ARG2: variants seen among roughly 807,000 people sequenced by gnomAD.
The protein encoded by ARG2 is arginase 2.
ARG2 carries 21 observed loss-of-function variants against 39.4 expected under a neutral mutation model. The ratio of observed to expected loss-of-function variants is 0.53; its 90% CI spans 0.38 to 0.77. The LOEUF is 0.77. ARG2 is among the 30% of genes least tolerant of loss of function. The probability of loss-of-function intolerance (pLI) is 0.00; values close to 1 mark genes in which losing one functional copy is unlikely to be tolerated. For synonymous variants in ARG2, 150 were observed against 156.7 expected (o/e 0.96, Z 0.32); for missense variants, 378 against 426.2 (o/e 0.89, Z 1.00).
Position 67,651,493 on chromosome 14 carries a change from A to G in ARG2, c.*573A>G, listed in dbSNP as rs200692340. ...TGTTGGTTGTCACTCTACAAAGAGA[A>G]GCAAAGTGGGGAGTAGTCAGAAGTT... On this transcript the variant is annotated 3_prime_UTR_variant, in exon 8 of 8. Coordinates refer to ENST00000261783, the MANE Select transcript of ARG2 (RefSeq NM_001172.4). The G allele has an allele frequency of 1.9e-6, 3 of 1,613,168 alleles. No individual in the cohort carries two copies. Among genetic ancestry groups the G allele is most frequent in the Non-Finnish European group, 2.5e-6 (3 of 1,179,320 alleles).
At chr14:67,647,068 A>G in intron 6 of ARG2, 43 bp downstream of exon 6, 1 of 1,237,304 alleles carries the variant, frequency 8.1e-7, no homozygotes, top group Non-Finnish European at 1.2e-6. Flanking sequence ...CCCAATGGGC[A>G]ACACACTTTT....
intron 2 of ARG2, among the ~76,000 whole-genome samples, chr14:67,631,430 C>CTTTTTTTTT (rs1447220086): frequency 4.1e-4 from 53 of 128,470 alleles, no homozygotes; most frequent in African/African-American, 6.3e-4. Flanking sequence ...TCCTTTCTTT[C>CTTTTTTTTT]TTTCTTTTTT....
chr14:67,621,863 A>G (rs66517376), intron 2 of ARG2, among the ~76,000 whole-genome samples: 50,295 of 151,158 alleles, frequency 0.33, 8,974 homozygotes, highest in African/African-American at 0.46. Flanking sequence ...TTGGGAGGCC[A>G]AGGTGGGTGG....
chr14:67,622,115 G>A (rs755883539), intron 2 of ARG2, among the ~76,000 whole-genome samples: 2 of 152,084 alleles, frequency 1.3e-5, no homozygotes, highest in Non-Finnish European at 2.9e-5. Flanking sequence ...TACCTTTATG[G>A]CAGGAAGGTT....
At chr14:67,630,194 T>C (rs781449615) in intron 2 of ARG2, among the ~76,000 whole-genome samples, 2 of 152,202 alleles carry the variant, frequency 1.3e-5, no homozygotes, top group Non-Finnish European at 2.9e-5. Context: ...GCAAAAGTAA[T>C]TGCGGTTTTT....
At chr14:67,646,168 A>C (rs957417811) in intron 4 of ARG2, among the ~76,000 whole-genome samples, 4 of 152,306 alleles carry the variant, frequency 2.6e-5, no homozygotes, top group South Asian at 2.1e-4. Context: ...ATGGGAGTCC[A>C]TGTTAGGCAC....
chr14:67,647,918 A>G, intron 6 of ARG2, 129 bp from the exon 7 acceptor site: 3 of 898,956 alleles, frequency 3.3e-6, no homozygotes, highest in Non-Finnish European at 4.9e-6. Context: ...ATGTATTAAC[A>G]GCTTTATTAA....
At chr14:67,639,739 G>A (rs981271269) in intron 2 of ARG2, among the ~76,000 whole-genome samples, 20 of 152,124 alleles carry the variant, frequency 1.3e-4, no homozygotes, top group African/African-American at 4.6e-4. Flanking sequence ...TAGCCAACAT[G>A]GCGAAACCCT....
At chr14:67,623,909 C>T (rs2036837399) in intron 2 of ARG2, among the ~76,000 whole-genome samples, 1 of 152,108 alleles carries the variant, frequency 6.6e-6, no homozygotes, top group Non-Finnish European at 1.5e-5. Flanking sequence ...GGCATAGTCA[C>T]AGCCTACTGC....
chr14:67,620,170 C>A, intron 1 of ARG2, 82 bp downstream of exon 1: 1 of 1,022,698 alleles, frequency 9.8e-7, no homozygotes, highest in Non-Finnish European at 1.4e-6. Context: ...GTGCGGGGGA[C>A]CGGGAGGCGA....
intron 2 of ARG2, among the ~76,000 whole-genome samples, chr14:67,630,865 G>A (rs1309706299): frequency 1.3e-5 from 2 of 152,174 alleles, no homozygotes; most frequent in Non-Finnish European, 2.9e-5. Flanking sequence ...TTACAGGTGT[G>A]AGCCACCGTG....
intron 2 of ARG2, among the ~76,000 whole-genome samples, chr14:67,640,033 C>G (rs1023938102): frequency 1.3e-5 from 2 of 150,954 alleles, no homozygotes; most frequent in Non-Finnish European, 2.9e-5. Flanking sequence ...CTTTCATTCT[C>G]TTAAGTCTAA....
At position 67,642,337 on chromosome 14, in the gene ARG2, CTG is replaced by C. The variant is rs767065643; in HGVS notation, c.340_341del (p.Val114HisfsTer14). 1 of 1,613,850 alleles carries C rather than the reference CTG, an allele frequency of 6.2e-7. No homozygotes were observed. ...VSRAVSDGYS[C>X]VTLGGDHSLA... ...GCAGAGCTGTGTCAGATGGCTACAG[CTG>C]TGTCACACTGGGAGGAGACCACAGG... On this transcript the variant is annotated frameshift_variant, in exon 3 of 8. Coordinates refer to ENST00000261783, the MANE Select transcript of ARG2 (RefSeq NM_001172.4). LOFTEE classifies it high-confidence loss of function.
chr14:67,634,159 C>T (rs759997715), intron 2 of ARG2, among the ~76,000 whole-genome samples: 1 of 152,128 alleles, frequency 6.6e-6, no homozygotes, highest in Non-Finnish European at 1.5e-5. Flanking sequence ...ACATCACAAC[C>T]CTTGATGAGT....
At chr14:67,627,457 C>T (rs952444321) in intron 2 of ARG2, among the ~76,000 whole-genome samples, 1 of 151,956 alleles carries the variant, frequency 6.6e-6, no homozygotes, top group African/African-American at 2.4e-5. Flanking sequence ...TTTTCAAGCT[C>T]TAGTTTTGGG....
At chr14:67,624,542 G>A (rs185406354) in intron 2 of ARG2, among the ~76,000 whole-genome samples, 111 of 152,302 alleles carry the variant, frequency 7.3e-4, no homozygotes, top group African/African-American at 2.6e-3. Flanking sequence ...GGAGCAGGAG[G>A]AAGACAGCGA....
At chr14:67,645,224 G>A (rs1157867685) in intron 3 of ARG2, among the ~76,000 whole-genome samples, 1 of 151,244 alleles carries the variant, frequency 6.6e-6, no homozygotes, top group African/African-American at 2.4e-5. Flanking sequence ...ATTTTGCCCA[G>A]GCTGGTCTTG....
At position 67,645,760 on chromosome 14, in the gene ARG2, T is replaced by C. The variant is rs1340195780; in HGVS notation, c.480T>C (p.His160=). The change falls in exon 4 of 8, where the codon CAT becomes CAC. Residue 160 remains histidine, a synonymous_variant. Transcript: ENST00000261783. ...TTACCACTTCATCAGGAAATCTCCA[T>C]GGACAGCCAGTTTCATTTCTCCTCA... The part of the protein sequence containing the change: ...TPLTTSSGNL[H]GQPVSFLLRE... 2.5e-6 allele frequency: 4 copies of C among 1,614,040 alleles called. No homozygotes were observed. Among genetic ancestry groups the C allele is most frequent in the South Asian group, 1.1e-5 (1 of 91,074 alleles).
chr14:67,640,164 C>G (rs907122516), intron 2 of ARG2, among the ~76,000 whole-genome samples: 7 of 151,888 alleles, frequency 4.6e-5, no homozygotes, highest in Non-Finnish European at 7.4e-5. Flanking sequence ...ACATTTTTAT[C>G]TTGGTTCACA....
Sources: gnomAD v4.1 joint callset for allele counts (sites outside exome capture counted in the v4.1 genomes callset) on GRCh38, gnomAD v4.1.1 for gene constraint, MANE v1.5 for transcripts, NCBI Gene and HGNC (gene_info 2026-07-23, HGNC 2026-07-21) for gene names.